The following MERTK variants were observed in gnomAD, a reference collection of about 807,000 sequenced individuals.
MERTK encodes the protein tyrosine-protein kinase Mer.
In MERTK, 69 loss-of-function variants were observed where a neutral mutation model predicts 99.3. The observed-to-expected ratio is 0.70, with a 90% confidence interval of 0.57 to 0.85. The LOEUF is 0.85. MERTK is among the 40% of genes least tolerant of loss of function. The pLI is 0.00. For missense variants in MERTK, 1,125 were observed against 1,249.4 expected (o/e 0.90, Z 1.50); for synonymous variants, 426 against 467.6 (o/e 0.91, Z 1.15).
At chr2:112,001,416 T>A in intron 11 of MERTK, 130 bp downstream of exon 11, 1 of 795,288 alleles carries the variant, frequency 1.3e-6, no homozygotes, top group Non-Finnish European at 2.1e-6. Context: ...GTACAAAATG[T>A]CTTTAAAAGC....
intron 7 of MERTK, among the ~76,000 whole-genome samples, chr2:111,979,140 C>T (rs755693596): frequency 2.3e-4 from 35 of 152,132 alleles, no homozygotes; most frequent in Non-Finnish European, 5.0e-4. Context: ...TGGGTATTTG[C>T]CTTTCTTAGT....
At chr2:111,944,034 C>T (rs891796051) in intron 2 of MERTK, among the ~76,000 whole-genome samples, 3 of 152,154 alleles carry the variant, frequency 2.0e-5, no homozygotes, top group Non-Finnish European at 2.9e-5. Flanking sequence ...CATGGTGGCT[C>T]ATGCCCATAA....
At chr2:112,013,353 A>C (rs545219980) in intron 15 of MERTK, 1 of 154,352 alleles carries the variant, frequency 6.5e-6, no homozygotes, top group East Asian at 1.9e-4. Context: ...AGATGATTGC[A>C]TTATAGGAAG....
chr2:111,988,067 G>A (rs1018639108), intron 8 of MERTK, among the ~76,000 whole-genome samples: 2 of 149,106 alleles, frequency 1.3e-5, no homozygotes, highest in Admixed American at 1.4e-4. Context: ...TCGGCTCACT[G>A]CAACATCTGC....
At chr2:111,963,461 G>A (rs941119562) in intron 4 of MERTK, among the ~76,000 whole-genome samples, 2 of 152,214 alleles carry the variant, frequency 1.3e-5, no homozygotes, top group Non-Finnish European at 2.9e-5. Context: ...TATCACATGG[G>A]GAGAAACCTT....
At chr2:112,007,567 G>A in intron 13 of MERTK, among the ~76,000 whole-genome samples, 1 of 152,084 alleles carries the variant, frequency 6.6e-6, no homozygotes, top group East Asian at 1.9e-4. Context: ...CTCTGATTTT[G>A]ACTCTCTAGG....
At chr2:112,010,351 C>A in intron 15 of MERTK, 1 of 383,880 alleles carries the variant, frequency 2.6e-6, no homozygotes, top group East Asian at 6.1e-5. Context: ...TGGTTCTGCA[C>A]TTCACAACCC....
chr2:111,948,382 G>A (rs1175021354), intron 4 of MERTK, among the ~76,000 whole-genome samples: 2 of 152,124 alleles, frequency 1.3e-5, no homozygotes, highest in Admixed American at 1.3e-4. Context: ...TTTACTCTGA[G>A]ATGCTTCCCC....
At chr2:111,970,823 C>G (rs1214250120) in intron 6 of MERTK, among the ~76,000 whole-genome samples, 1 of 118,316 alleles carries the variant, frequency 8.5e-6, no homozygotes, top group Non-Finnish European at 1.7e-5. Flanking sequence ...CTCCTCCCTC[C>G]TCCTCCCTCC....
chr2:111,982,761 C>CGAGCATTTG, intron 7 of MERTK, 81 bp from the exon 8 acceptor site: 1 of 1,523,488 alleles, frequency 6.6e-7, no homozygotes, highest in South Asian at 1.1e-5. Context: ...ATTTGAAAAC[C>CGAGCATTTG]AAACACTTGA....
At chr2:111,928,996 C>T (rs117023916) in intron 1 of MERTK, 124 bp from the exon 2 acceptor site, 1 of 936,964 alleles carries the variant, frequency 1.1e-6, no homozygotes, top group East Asian at 2.5e-5. Flanking sequence ...ATGAATTCTG[C>T]TTATCTTTTC....
intron 18 of MERTK, among the ~76,000 whole-genome samples, chr2:112,024,322 G>C (rs980892268): frequency 6.6e-6 from 1 of 152,256 alleles, no homozygotes; most frequent in Non-Finnish European, 1.5e-5. Context: ...GGTCTAAGCT[G>C]TGTCACGTTG....
chr2:111,946,099 G>A (rs1391888909), intron 3 of MERTK, among the ~76,000 whole-genome samples: 2 of 152,128 alleles, frequency 1.3e-5, no homozygotes, highest in African/African-American at 4.8e-5. Context: ...GGAGTGAGTG[G>A]GGAAGACAGA....
At chr2:111,909,414 A>T (rs1005938876) in intron 1 of MERTK, among the ~76,000 whole-genome samples, 1 of 152,196 alleles carries the variant, frequency 6.6e-6, no homozygotes, top group Non-Finnish European at 1.5e-5. Flanking sequence ...AGGATTAAAC[A>T]AGTTTTACTG....
chr2:112,012,430 G>A (rs1357607826), intron 15 of MERTK, among the ~76,000 whole-genome samples: 2 of 151,554 alleles, frequency 1.3e-5, no homozygotes, highest in South Asian at 2.1e-4. Flanking sequence ...TTCTTGGCTT[G>A]TTCATTATAA....
At chr2:111,968,526 C>T (rs909190234) in intron 6 of MERTK, among the ~76,000 whole-genome samples, 2 of 144,876 alleles carry the variant, frequency 1.4e-5, no homozygotes, top group Admixed American at 1.4e-4. Flanking sequence ...AGTTCTTCTT[C>T]TTTTTTTTTT....
intron 4 of MERTK, among the ~76,000 whole-genome samples, chr2:111,958,766 C>T (rs1573600543): frequency 6.6e-6 from 1 of 152,096 alleles, no homozygotes. Flanking sequence ...CATTAATAAA[C>T]CTGTTAGGAC....
At chr2:112,022,785 CCTT>C (rs1677382873) in intron 18 of MERTK, among the ~76,000 whole-genome samples, 1 of 152,160 alleles carries the variant, frequency 6.6e-6, no homozygotes, top group Admixed American at 6.5e-5. Context: ...TTATCTTTCT[CCTT>C]CTATGTAGCA....
chr2:111,904,882 G>A (rs1450080068), intron 1 of MERTK, among the ~76,000 whole-genome samples: 1 of 152,206 alleles, frequency 6.6e-6, no homozygotes. Context: ...GCATGGGTGA[G>A]CCAACCCTCA....
Sources: gnomAD v4.1 joint callset for allele counts (sites outside exome capture counted in the v4.1 genomes callset) on GRCh38, gnomAD v4.1.1 for gene constraint, MANE v1.5 for transcripts, NCBI Gene and HGNC (gene_info 2026-07-23, HGNC 2026-07-21) for gene names.